The following CNTN5 variants were observed in gnomAD, a reference collection of about 807,000 sequenced individuals.
CNTN5 encodes the protein contactin-5.
CNTN5 carries 77 observed loss-of-function variants against 129.1 expected under a neutral mutation model. The observed-to-expected ratio is 0.60, with a 90% confidence interval of 0.50 to 0.72. The LOEUF is 0.72. Among genes scored for constraint, CNTN5 ranks in the 30% least tolerant of loss-of-function variants. The pLI is 0.00. For missense variants in CNTN5, 1,478 were observed against 1,328.8 expected (o/e 1.11, Z -1.75); for synonymous variants, 509 against 465.6 (o/e 1.09, Z -1.20).
intron 8 of CNTN5, among the ~76,000 whole-genome samples, chr11:99,992,361 A>G (rs901051879): frequency 2.6e-5 from 4 of 152,192 alleles, no homozygotes; most frequent in Admixed American, 6.5e-5. Flanking sequence ...GTTGAATATA[A>G]TTTGCCTTAA....
rs1346883308 is a variant in CNTN5 at position 99,398,463 on chromosome 11, G to A, written c.-71+72979G>A. Among the ~76,000 whole-genome samples, 3 of 151,778 alleles carry A rather than the reference G, an allele frequency of 2.0e-5. No individual in the cohort carries two copies. The East Asian group carries it at 5.8e-4, about 29-fold the overall frequency. ...TTAATATTTTGTATTCATCATTACT[G>A]TATCATACAGGACAGTTTCACCAAC... On this transcript the variant is annotated intron_variant, in intron 2 of 24. Coordinates refer to ENST00000524871, the MANE Select transcript of CNTN5 (RefSeq NM_014361.4).
chr11:99,063,651 A>G (rs892078539), intron 1 of CNTN5, among the ~76,000 whole-genome samples: 4 of 152,156 alleles, frequency 2.6e-5, no homozygotes, highest in Non-Finnish European at 5.9e-5. Flanking sequence ...CTACAAAAGC[A>G]AACATGTCTC....
chr11:99,747,093 C>A lies in CNTN5; in HGVS notation c.56-72451C>A, dbSNP rs550661680. On this transcript the variant is annotated intron_variant, in intron 3 of 24. Transcript: ENST00000524871. ...CATTTATTTGTGCCTTTTTCAATTTCTTTCATCAATGTATTGTAGTTTCAG... is the reference window on the plus strand; with the variant it reads ...CATTTATTTGTGCCTTTTTCAATTTATTTCATCAATGTATTGTAGTTTCAG... 2.0e-5 allele frequency among the ~76,000 whole-genome samples: 3 copies of A among 152,198 alleles called. No homozygotes were observed. The East Asian group carries it at 5.8e-4, about 29-fold the overall frequency.
intron 2 of CNTN5, among the ~76,000 whole-genome samples, chr11:99,371,407 C>A (rs989516136): frequency 1.3e-5 from 2 of 151,764 alleles, no homozygotes; most frequent in Non-Finnish European, 2.9e-5. Flanking sequence ...ATATTGATTC[C>A]TAAGATTCAC....
At chr11:99,407,491 T>A (rs1264152221) in intron 2 of CNTN5, among the ~76,000 whole-genome samples, 2 of 152,134 alleles carry the variant, frequency 1.3e-5, no homozygotes, top group African/African-American at 4.8e-5. Context: ...GGGGTCTCTT[T>A]CGGAGCCGTG....
chr11:99,636,841 C>T (rs916401437), intron 3 of CNTN5, among the ~76,000 whole-genome samples: 6 of 150,214 alleles, frequency 4.0e-5, no homozygotes, highest in Admixed American at 2.7e-4. Context: ...TGGTGAAACC[C>T]GTCTCTACTA....
chr11:99,785,066 G>C (rs1412802544), intron 3 of CNTN5, among the ~76,000 whole-genome samples: 1 of 151,936 alleles, frequency 6.6e-6, no homozygotes, highest in East Asian at 2.0e-4. Flanking sequence ...GCCTCCACCT[G>C]CCTATGCCTC....
At chr11:99,866,590 A>T (rs1485692548) in intron 6 of CNTN5, among the ~76,000 whole-genome samples, 2 of 152,320 alleles carry the variant, frequency 1.3e-5, no homozygotes, top group South Asian at 4.1e-4. Flanking sequence ...GTACTAAAAT[A>T]TGCATCTTGT....
chr11:99,247,813 G>A (rs1196261064), intron 1 of CNTN5, among the ~76,000 whole-genome samples: 17 of 151,860 alleles, frequency 1.1e-4, no homozygotes, highest in Non-Finnish European at 2.2e-4. Context: ...ATGGCTGCAT[G>A]GTATTCCATG....
intron 1 of CNTN5, among the ~76,000 whole-genome samples, chr11:99,026,717 G>A (rs1863122475): frequency 6.6e-6 from 1 of 151,518 alleles, no homozygotes; most frequent in Non-Finnish European, 1.5e-5. Flanking sequence ...ATAAGCAAGG[G>A]TATAAAAAGG....
chr11:99,906,982 A>G (rs1949525136), intron 6 of CNTN5, among the ~76,000 whole-genome samples: 2 of 151,984 alleles, frequency 1.3e-5, no homozygotes, highest in African/African-American at 4.8e-5. Context: ...CCACTTTGCC[A>G]TTTTTTATTG....
chr11:99,303,850 A>G (rs892233593), intron 1 of CNTN5, among the ~76,000 whole-genome samples: 9 of 152,140 alleles, frequency 5.9e-5, no homozygotes, highest in Non-Finnish European at 8.8e-5. Context: ...TCCCACCTGC[A>G]TAATTTCTTC....
chr11:99,569,963 C>T (rs1358997525), intron 3 of CNTN5, among the ~76,000 whole-genome samples: 1 of 151,288 alleles, frequency 6.6e-6, no homozygotes, highest in East Asian at 1.9e-4. Flanking sequence ...GTAAAAACAA[C>T]CAATAAAAAA....
At chr11:99,067,118 C>A (rs1443198240) in intron 1 of CNTN5, among the ~76,000 whole-genome samples, 2 of 152,084 alleles carry the variant, frequency 1.3e-5, no homozygotes, top group African/African-American at 2.4e-5. Context: ...TTTACTTCAC[C>A]AAGGACACTG....
chr11:99,865,376 A>G (rs559632112), intron 6 of CNTN5, among the ~76,000 whole-genome samples: 2 of 152,228 alleles, frequency 1.3e-5, no homozygotes, highest in Non-Finnish European at 2.9e-5. Flanking sequence ...TCAGAAGAGG[A>G]ATTCAAATAT....
intron 7 of CNTN5, among the ~76,000 whole-genome samples, chr11:99,942,454 C>G (rs1412918215): frequency 6.6e-6 from 1 of 151,960 alleles, no homozygotes; most frequent in South Asian, 2.1e-4. Context: ...TGTAAGCAAA[C>G]TGGTGCACGA....
intron 13 of CNTN5, among the ~76,000 whole-genome samples, chr11:100,151,141 GCTGA>G (rs1227878635): frequency 2.0e-5 from 3 of 152,072 alleles, no homozygotes; most frequent in East Asian, 1.9e-4. Context: ...ATGAGCCCAA[GCTGA>G]CTAAGACATC....
intron 4 of CNTN5, among the ~76,000 whole-genome samples, chr11:99,829,146 C>T (rs1211020360): frequency 2.6e-5 from 4 of 151,984 alleles, no homozygotes; most frequent in African/African-American, 9.7e-5. Context: ...TGGTGATATA[C>T]TTAAAGAAGC....
At chr11:100,271,030 AT>A in intron 17 of CNTN5, 61 bp from the exon 18 acceptor site, 1 of 1,331,608 alleles carries the variant, frequency 7.5e-7, no homozygotes, top group Non-Finnish European at 1.0e-6. Context: ...AATATTCTTG[AT>A]TGCCATTTGT....
Sources: gnomAD v4.1 joint callset for allele counts (sites outside exome capture counted in the v4.1 genomes callset) on GRCh38, gnomAD v4.1.1 for gene constraint, MANE v1.5 for transcripts, NCBI Gene and HGNC (gene_info 2026-07-23, HGNC 2026-07-21) for gene names.